CC2D2A: variants seen among roughly 807,000 people sequenced by gnomAD.
The protein encoded by CC2D2A is coiled-coil and C2 domain containing 2A, also known as coiled-coil and C2 domain-containing protein 2A.
CC2D2A carries 155 observed loss-of-function variants against 212.9 expected under a neutral mutation model. That is an observed-to-expected ratio of 0.73 (90% CI 0.64 to 0.83). The LOEUF (loss-of-function observed/expected upper bound fraction) is 0.83, where lower values mean the gene tolerates loss of function less well. Among genes scored for constraint, CC2D2A ranks in the 40% least tolerant of loss-of-function variants. The probability of loss-of-function intolerance (pLI) is 0.00; values close to 1 mark genes in which losing one functional copy is unlikely to be tolerated. For synonymous variants in CC2D2A, 667 were observed against 686.5 expected (o/e 0.97, Z 0.44); for missense variants, 1,856 against 1,956.2 (o/e 0.95, Z 0.97).
intron 4 of CC2D2A, among the ~76,000 whole-genome samples, 157 bp from the exon 5 acceptor site, chr4:15,502,272 T>A (rs1196253505): frequency 6.6e-6 from 1 of 152,266 alleles, no homozygotes; most frequent in Non-Finnish European, 1.5e-5. Context: ...TTTGCTTATG[T>A]GAAGTTCTAA....
intron 17 of CC2D2A, among the ~76,000 whole-genome samples, chr4:15,542,472 T>C (rs1718504751): frequency 6.6e-6 from 1 of 152,200 alleles, no homozygotes; most frequent in South Asian, 2.1e-4. Context: ...AAAGCAATAA[T>C]TGATGGTGCT....
rs371567241 is a variant in CC2D2A at position 15,598,712 on chromosome 4, A to G, written c.4497-817A>G. Among the ~76,000 whole-genome samples, 9 of 152,326 alleles carry G rather than the reference A, an allele frequency of 5.9e-5. No homozygotes were observed. In the South Asian group the frequency reaches 1.7e-3, roughly 28 times the overall value. On this transcript the variant is annotated intron_variant, in intron 35 of 36. Transcript: ENST00000424120. ...TTTAGAAAAAAATTAATCATCATGG[A>G]TAGAATTCACTATTCATGATGTGAA...
intron 17 of CC2D2A, among the ~76,000 whole-genome samples, chr4:15,548,181 T>C (rs958276708): frequency 2.0e-5 from 3 of 151,366 alleles, no homozygotes; most frequent in Non-Finnish European, 4.4e-5. Context: ...AAAAATCTGA[T>C]AAATATCTCC....
intron 24 of CC2D2A, chr4:15,563,923 T>C (rs371570751): frequency 4.1e-4 from 74 of 181,488 alleles, no homozygotes; most frequent in East Asian, 1.1e-3. Context: ...AGTCTGAAGG[T>C]GCTAACTTGG....
chr4:15,507,033 A>G (rs1489242751), intron 6 of CC2D2A, among the ~76,000 whole-genome samples: 1 of 151,420 alleles, frequency 6.6e-6, no homozygotes, highest in Non-Finnish European at 1.5e-5. Flanking sequence ...AGCTGAGATC[A>G]TGCCACTGCA....
chr4:15,486,840 T>A lies in CC2D2A; in HGVS notation c.247+6013T>A, dbSNP rs1715027937. On this transcript the variant is annotated intron_variant, in intron 4 of 36. Transcript: ENST00000424120. ...TTGCTATACCCTATAGGTTTTCATA[T>A]GTTGTGTTTCCATTTTCATTTGTTC... is the stretch of plus-strand genomic sequence containing the variant. Among the ~76,000 whole-genome samples, 8 of 152,158 alleles carry A rather than the reference T, an allele frequency of 5.3e-5. No homozygotes were observed. The South Asian group carries it at 1.7e-3, about 32-fold the overall frequency.
intron 11 of CC2D2A, among the ~76,000 whole-genome samples, chr4:15,524,801 C>T (rs1228170128): frequency 6.6e-6 from 1 of 152,072 alleles, no homozygotes; most frequent in Non-Finnish European, 1.5e-5. Flanking sequence ...GTGAGAACAT[C>T]AATAGATAAT....
At chr4:15,585,157 G>A (rs895814497) in intron 30 of CC2D2A, among the ~76,000 whole-genome samples, 2 of 152,132 alleles carry the variant, frequency 1.3e-5, no homozygotes, top group East Asian at 3.8e-4. Flanking sequence ...ATATCCAAAG[G>A]AAATGAAATC....
At chr4:15,500,073 G>GAT in intron 4 of CC2D2A, among the ~76,000 whole-genome samples, 1 of 109,312 alleles carries the variant, frequency 9.1e-6, no homozygotes, top group Non-Finnish European at 1.8e-5. Context: ...CACAAACCTA[G>GAT]ATTGTGTGTG....
At chr4:15,495,397 C>T (rs781680684) in intron 4 of CC2D2A, among the ~76,000 whole-genome samples, 12 of 152,208 alleles carry the variant, frequency 7.9e-5, no homozygotes, top group Non-Finnish European at 1.6e-4. Context: ...GCATGAGCCA[C>T]CACGCCCAGC....
At chr4:15,517,732 T>C (rs920439485) in intron 11 of CC2D2A, among the ~76,000 whole-genome samples, 5 of 152,180 alleles carry the variant, frequency 3.3e-5, no homozygotes, top group African/African-American at 1.2e-4. Flanking sequence ...TATTAATCTG[T>C]TATCACGCTG....
intron 1 of CC2D2A, among the ~76,000 whole-genome samples, chr4:15,470,694 T>TC (rs1713735144): frequency 7.2e-5 from 2 of 27,946 alleles, no homozygotes; most frequent in African/African-American, 4.3e-4. Flanking sequence ...TCTCTCTATA[T>TC]ATATATATAT....
rs567718444 is a variant in CC2D2A, at chr4:15,471,862, T to C, written c.-19+1805T>C. On this transcript the variant is annotated intron_variant, in intron 1 of 36. Coordinates refer to ENST00000424120, the MANE Select transcript of CC2D2A (RefSeq NM_001378615.1). The stretch of plus-strand genomic sequence containing the variant: ...TGCGTTGTATCTCAACCTCCAGGTA[T>C]GGCTCTGACCCACTGATGACTCTTA... 3.9e-5 allele frequency among the ~76,000 whole-genome samples: 6 copies of C among 152,330 alleles called. No individual in the cohort carries two copies. The South Asian group carries it at 1.2e-3, about 32-fold the overall frequency.
rs149379432 is a variant in CC2D2A at position 15,517,915 on chromosome 4, G to A, written c.1149+1159G>A. On this transcript the variant is annotated intron_variant, in intron 11 of 36. Transcript: ENST00000424120. ...AGAGAGCTTGTGCAGGGAAACTCCC[G>A]TTTATAAAACCATCAGATCTTGTGA... 5.9e-3 allele frequency among the ~76,000 whole-genome samples: 893 copies of A among 152,220 alleles called. 6 individuals carry two copies. Among genetic ancestry groups the A allele is most frequent in the African/African-American group, 0.02 (831 of 41,530 alleles).
At position 15,492,690 on chromosome 4, in the gene CC2D2A, C is replaced by T. The variant is rs371308381; in HGVS notation, c.248-9739C>T. 1.0e-4 allele frequency: 67 copies of T among 664,336 alleles called. 1 individual carries two copies. Among genetic ancestry groups the T allele is most frequent in the Middle Eastern group, 8.3e-4 (2 of 2,414 alleles). 41.2% of individuals were successfully genotyped at this position (664,336 alleles called of 1,614,324 possible). A position where few individuals can be genotyped will look rare whatever the true frequency, so the allele number is the denominator to read the frequency against. ...CAGCTGAGGGTCTCTCTCTTCCTTT[C>T]GTGCTCTCACTGGGTCTGGTGGTCC... On this transcript the variant is annotated intron_variant, in intron 4 of 36. Transcript: ENST00000424120.
chr4:15,550,846 G>A lies in CC2D2A; in HGVS notation c.2204G>A (p.Ser735Asn). The change falls in exon 18 of 37, where the codon AGT becomes AAT. Residue 735 changes from serine (S) to asparagine (N), a missense_variant. Physicochemically the swap from Ser to Asn is conservative, Grantham distance 46. Coordinates refer to ENST00000424120, the MANE Select transcript of CC2D2A (RefSeq NM_001378615.1). ...TLQVYETVGH[S>N]SPTLLAEVFL... Reference sequence around the variant, plus strand: ...CAGGTCTATGAAACTGTCGGACACAGTAGTCCCACCTTGCTAGCAGAAGTG... The same window carrying A: ...CAGGTCTATGAAACTGTCGGACACAATAGTCCCACCTTGCTAGCAGAAGTG... 2 of 1,587,350 alleles carry A rather than the reference G, an allele frequency of 1.3e-6. No individual in the cohort carries two copies. The highest frequency in any genetic ancestry group is 1.7e-6 in the Non-Finnish European group (2 of 1,159,236).
intron 11 of CC2D2A, among the ~76,000 whole-genome samples, chr4:15,521,164 C>T (rs1414402893): frequency 6.6e-6 from 1 of 152,062 alleles, no homozygotes; most frequent in African/African-American, 2.4e-5. Context: ...ATGTTTTGAA[C>T]ACAACAAAAC....
chr4:15,514,662 G>T (rs749960888), intron 8 of CC2D2A, 45 bp from the exon 9 acceptor site: 2 of 1,391,460 alleles, frequency 1.4e-6, no homozygotes, highest in South Asian at 1.8e-5. Context: ...TTCTAACTAA[G>T]AATCTTAGCA....
intron 5 of CC2D2A, 107 bp from the exon 6 acceptor site, chr4:15,502,715 C>G (rs1219613574): frequency 9.0e-7 from 1 of 1,107,068 alleles, no homozygotes; most frequent in Non-Finnish European, 1.3e-6. Flanking sequence ...TTTTCTGAAC[C>G]ATTTTCCTTG....
Sources: gnomAD v4.1 joint callset for allele counts (sites outside exome capture counted in the v4.1 genomes callset) on GRCh38, gnomAD v4.1.1 for gene constraint, MANE v1.5 for transcripts, NCBI Gene and HGNC (gene_info 2026-07-23, HGNC 2026-07-21) for gene names.